NAALADL2: variants seen among roughly 807,000 people sequenced by gnomAD.
NAALADL2 encodes inactive N-acetylated-alpha-linked acidic dipeptidase-like protein 2.
A neutral mutation model predicts 87.2 loss-of-function variants in NAALADL2; 76 were observed. The ratio of observed to expected loss-of-function variants is 0.87; its 90% CI spans 0.72 to 1.05. The LOEUF (loss-of-function observed/expected upper bound fraction) is 1.05, where lower values mean the gene tolerates loss of function less well. NAALADL2 is among the 50% of genes least tolerant of loss of function. The pLI, the probability that NAALADL2 is intolerant of heterozygous loss-of-function variation, is 0.00. For synonymous variants in NAALADL2, 354 were observed against 331.0 expected, an observed-to-expected ratio of 1.07 and a Z score of -0.75; for missense variants, 1,089 against 945.8, an observed-to-expected ratio of 1.15 and a Z score of -1.99.
At chr3:175,317,055 GC>G (rs1759238358) in intron 4 of NAALADL2, among the ~76,000 whole-genome samples, 1 of 152,094 alleles carries the variant, frequency 6.6e-6, no homozygotes, top group African/African-American at 2.4e-5. Context: ...TCCCTTCAGG[GC>G]TGTGGGTGAG....
intron 4 of NAALADL2, among the ~76,000 whole-genome samples, chr3:175,323,536 A>T (rs1305206402): frequency 1.3e-5 from 2 of 152,064 alleles, no homozygotes; most frequent in African/African-American, 4.8e-5. Flanking sequence ...CTATTAATCC[A>T]AAAAAAGTAG....
At chr3:175,071,796 T>C (rs947124414) in intron 1 of NAALADL2, among the ~76,000 whole-genome samples, 1 of 151,980 alleles carries the variant, frequency 6.6e-6, no homozygotes, top group Non-Finnish European at 1.5e-5. Context: ...AAAAAAATTG[T>C]AGCAAATTTG....
intron 4 of NAALADL2, among the ~76,000 whole-genome samples, chr3:175,258,480 A>G (rs940032996): frequency 6.6e-6 from 1 of 152,144 alleles, no homozygotes; most frequent in African/African-American, 2.4e-5. Context: ...TTAAGAGGCT[A>G]AATTAGAATT....
intron 3 of NAALADL2, among the ~76,000 whole-genome samples, chr3:174,813,489 G>A (rs1720448685): frequency 6.6e-6 from 1 of 152,116 alleles, no homozygotes; most frequent in South Asian, 2.1e-4. Flanking sequence ...GTAGAGGTTT[G>A]TAGCCTAGGA....
intron 2 of NAALADL2, among the ~76,000 whole-genome samples, chr3:175,161,998 G>C (rs1221554812): frequency 6.6e-6 from 1 of 152,162 alleles, no homozygotes; most frequent in African/African-American, 2.4e-5. Flanking sequence ...CCTGTCTTCT[G>C]TTTTATCACA....
chr3:175,156,705 G>T (rs1732386321), intron 2 of NAALADL2, among the ~76,000 whole-genome samples: 1 of 152,006 alleles, frequency 6.6e-6, no homozygotes. Context: ...GAGGACTTCT[G>T]GAACTAGCTC....
At chr3:175,060,693 A>G (rs376746214) in intron 1 of NAALADL2, among the ~76,000 whole-genome samples, 1 of 152,340 alleles carries the variant, frequency 6.6e-6, no homozygotes, top group African/African-American at 2.4e-5. Flanking sequence ...GCTACAGGGT[A>G]TACATAGTAG....
At chr3:174,750,251 T>C (rs994902440) in intron 3 of NAALADL2, among the ~76,000 whole-genome samples, 1 of 152,138 alleles carries the variant, frequency 6.6e-6, no homozygotes, top group Non-Finnish European at 1.5e-5. Context: ...CAATTCTAAA[T>C]TTTATCTGGG....
intron 1 of NAALADL2, among the ~76,000 whole-genome samples, chr3:174,989,482 C>T (rs894448248): frequency 1.3e-5 from 2 of 151,952 alleles, no homozygotes; most frequent in Non-Finnish European, 1.5e-5. Context: ...TTGTAATGAA[C>T]AATTAGTTGG....
At chr3:175,343,422 C>G (rs1204899403) in intron 5 of NAALADL2, among the ~76,000 whole-genome samples, 2 of 151,922 alleles carry the variant, frequency 1.3e-5, no homozygotes, top group Admixed American at 6.6e-5. Context: ...AAGTGCTTTG[C>G]TATAGAAATT....
At chr3:174,746,197 A>G (rs1476875360) in intron 3 of NAALADL2, among the ~76,000 whole-genome samples, 2 of 152,204 alleles carry the variant, frequency 1.3e-5, no homozygotes, top group African/African-American at 4.8e-5. Context: ...TTTCAGCCTA[A>G]GAGCTCCTTA....
chr3:174,467,596 T>TAAAA (rs58227642), intron 1 of NAALADL2, among the ~76,000 whole-genome samples: 1 of 59,602 alleles, frequency 1.7e-5, no homozygotes, highest in Non-Finnish European at 2.9e-5. Flanking sequence ...CCATCTCAGT[T>TAAAA]AAAAAAAAAA....
intron 5 of NAALADL2, among the ~76,000 whole-genome samples, chr3:175,440,956 G>A (rs1719619601): frequency 6.6e-6 from 1 of 152,094 alleles, no homozygotes. Flanking sequence ...AGCTTATAAA[G>A]AGACATGTTA....
At chr3:174,655,093 A>G (rs898614557) in intron 2 of NAALADL2, among the ~76,000 whole-genome samples, 1 of 152,130 alleles carries the variant, frequency 6.6e-6, no homozygotes, top group Non-Finnish European at 1.5e-5. Flanking sequence ...ATGCATATTT[A>G]TTTTTTAGAA....
chr3:175,182,467 A>T (rs373718991), intron 2 of NAALADL2, among the ~76,000 whole-genome samples: 12 of 150,974 alleles, frequency 7.9e-5, no homozygotes, highest in African/African-American at 2.9e-4. Context: ...AGCTCACTGC[A>T]ACCTTGTTCT....
At chr3:175,619,092 G>C (rs148898813) in intron 10 of NAALADL2, among the ~76,000 whole-genome samples, 21 of 152,196 alleles carry the variant, frequency 1.4e-4, no homozygotes, top group African/African-American at 4.8e-4. Flanking sequence ...TTAAATTTGT[G>C]CCAAGTGGCC....
At chr3:175,613,747 T>C (rs1475962692) in intron 10 of NAALADL2, among the ~76,000 whole-genome samples, 1 of 152,200 alleles carries the variant, frequency 6.6e-6, no homozygotes, top group Non-Finnish European at 1.5e-5. Flanking sequence ...AGTTTCTTCA[T>C]CTATAAAATT....
intron 9 of NAALADL2, among the ~76,000 whole-genome samples, chr3:175,508,070 A>G (rs1448417763): frequency 6.6e-6 from 1 of 152,192 alleles, no homozygotes; most frequent in Non-Finnish European, 1.5e-5. Flanking sequence ...ACATCACATG[A>G]CAAAGGCAGG....
chr3:175,366,703 G>T (rs1213025637), intron 5 of NAALADL2, among the ~76,000 whole-genome samples: 1 of 150,724 alleles, frequency 6.6e-6, no homozygotes, highest in Non-Finnish European at 1.5e-5. Flanking sequence ...TTTTGATGGG[G>T]TTGTTTGTTT....
Sources: allele counts gnomAD v4.1 joint callset (sites outside exome capture counted in the v4.1 genomes callset), GRCh38; gene constraint gnomAD v4.1.1; transcripts MANE v1.5; gene names NCBI Gene and HGNC (gene_info 2026-07-23, HGNC 2026-07-21).